PTPRD: variants seen among roughly 807,000 people sequenced by gnomAD.
The protein encoded by PTPRD is receptor-type tyrosine-protein phosphatase delta.
PTPRD carries 34 observed loss-of-function variants against 214.5 expected under a neutral mutation model. That is an observed-to-expected ratio of 0.16 (90% CI 0.12 to 0.21). PTPRD has a LOEUF of 0.21. PTPRD is among the 10% of genes least tolerant of loss of function. The pLI is 1.00. For missense variants in PTPRD, 2,545 were observed against 2,398.7 expected (o/e 1.06, Z -1.27); for synonymous variants, 1,128 against 845.7 (o/e 1.33, Z -5.79).
chr9:9,683,125 A>G (rs1158888099), intron 7 of PTPRD, among the ~76,000 whole-genome samples: 1 of 151,804 alleles, frequency 6.6e-6, no homozygotes, highest in East Asian at 1.9e-4. Context: ...TTTGATGACT[A>G]TTCTTTTTCA....
intron 11 of PTPRD, chr9:8,860,913 A>G (rs1288757949): frequency 6.6e-6 from 1 of 152,202 alleles, no homozygotes; most frequent in East Asian, 1.9e-4. Context: ...CACATTCTGG[A>G]TCAAAGAAGC....
intron 8 of PTPRD, among the ~76,000 whole-genome samples, chr9:9,418,995 T>A (rs2077819606): frequency 6.6e-6 from 1 of 151,512 alleles, no homozygotes; most frequent in Non-Finnish European, 1.5e-5. Context: ...CAATAAATGA[T>A]CATCAGGGCT....
chr9:9,775,007 A>G (rs1337725977), intron 5 of PTPRD, among the ~76,000 whole-genome samples: 1 of 152,224 alleles, frequency 6.6e-6, no homozygotes, highest in Non-Finnish European at 1.5e-5. Context: ...GAAATGTAGC[A>G]TTAGTACCTG....
intron 21 of PTPRD, among the ~76,000 whole-genome samples, chr9:8,509,888 T>C (rs1592349364): frequency 6.6e-6 from 1 of 152,220 alleles, no homozygotes. Context: ...GACGACTTGA[T>C]GCAAAGTGTC....
At chr9:8,334,390 C>G (rs1295454703) in intron 43 of PTPRD, among the ~76,000 whole-genome samples, 1 of 150,796 alleles carries the variant, frequency 6.6e-6, no homozygotes, top group African/African-American at 2.4e-5. Context: ...AAAAACCACT[C>G]AAAACCACAC....
intron 10 of PTPRD, among the ~76,000 whole-genome samples, chr9:9,117,422 A>C (rs1285815879): frequency 6.6e-6 from 1 of 152,138 alleles, no homozygotes; most frequent in Non-Finnish European, 1.5e-5. Flanking sequence ...AGTGATTCAA[A>C]TGAGATAATG....
At chr9:9,382,271 GT>G (rs2062547805) in intron 9 of PTPRD, among the ~76,000 whole-genome samples, 1 of 151,860 alleles carries the variant, frequency 6.6e-6, no homozygotes, top group Non-Finnish European at 1.5e-5. Flanking sequence ...AGTTCTGATA[GT>G]TTTAGGGGAA....
intron 5 of PTPRD, among the ~76,000 whole-genome samples, chr9:9,830,405 G>C (rs370408800): frequency 1.2e-4 from 18 of 151,896 alleles, no homozygotes; most frequent in African/African-American, 4.3e-4. Flanking sequence ...GTTAAATGGG[G>C]TGAAGGGAAG....
intron 9 of PTPRD, among the ~76,000 whole-genome samples, chr9:9,311,225 G>A (rs1002992243): frequency 6.6e-6 from 1 of 152,048 alleles, no homozygotes; most frequent in Non-Finnish European, 1.5e-5. Flanking sequence ...AAAACTAAAA[G>A]TTCAGCAAGA....
chr9:10,412,500 C>T (rs532627460), intron 2 of PTPRD, among the ~76,000 whole-genome samples: 20 of 151,770 alleles, frequency 1.3e-4, no homozygotes, highest in Admixed American at 1.2e-3. Flanking sequence ...ATGTAAAGAG[C>T]TGGTACCATT....
At chr9:9,452,380 A>C (rs548716862) in intron 8 of PTPRD, among the ~76,000 whole-genome samples, 2 of 151,668 alleles carry the variant, frequency 1.3e-5, no homozygotes, top group Admixed American at 6.6e-5. Flanking sequence ...CAATAAATTT[A>C]AATCAAAATA....
At chr9:8,331,209 TTTCACAAAC>T (rs1840456662) in intron 44 of PTPRD, among the ~76,000 whole-genome samples, 2 of 149,100 alleles carry the variant, frequency 1.3e-5, no homozygotes, top group African/African-American at 5.2e-5. Context: ...TTCATGAGGT[TTTCACAAAC>T]AGAAGAAAGA....
At chr9:9,666,050 T>C (rs2096715313) in intron 7 of PTPRD, among the ~76,000 whole-genome samples, 1 of 152,072 alleles carries the variant, frequency 6.6e-6, no homozygotes, top group Admixed American at 6.6e-5. Context: ...AATAAGTTGA[T>C]GTAAGTTTTC....
intron 7 of PTPRD, among the ~76,000 whole-genome samples, chr9:9,717,363 A>G (rs981024450): frequency 6.6e-6 from 1 of 152,302 alleles, no homozygotes; most frequent in Admixed American, 6.5e-5. Context: ...TGAACTTTAA[A>G]GTAGTTTTTT....
At chr9:8,998,070 A>G (rs1254921116) in intron 11 of PTPRD, among the ~76,000 whole-genome samples, 1 of 152,152 alleles carries the variant, frequency 6.6e-6, no homozygotes, top group Non-Finnish European at 1.5e-5. Context: ...TCTCCATAAC[A>G]TAATAGTGCA....
rs138248758 is a variant in PTPRD at position 9,165,589 on chromosome 9, A to G, written c.-143+17715T>C. 1.3e-3 allele frequency among the ~76,000 whole-genome samples: 197 copies of G among 152,334 alleles called. 3 individuals carry two copies. In the East Asian group the frequency reaches 0.036, roughly 28 times the overall value. ...CTCTAAAGGGTCTGTACATCATACT[A>G]TTAAGGTTTGAATTTAGTTCATAAA... On this transcript the variant is annotated intron_variant, in intron 10 of 45. Coordinates refer to ENST00000381196, the MANE Select transcript of PTPRD (RefSeq NM_002839.4).
chr9:9,728,064 A>G (rs1439455578), intron 7 of PTPRD, among the ~76,000 whole-genome samples: 1 of 152,052 alleles, frequency 6.6e-6, no homozygotes, highest in Middle Eastern at 3.2e-3. Flanking sequence ...GTCTCATGCG[A>G]TCTGACGGCT....
chr9:9,459,353 A>C (rs1406941891), intron 8 of PTPRD, among the ~76,000 whole-genome samples: 2 of 152,132 alleles, frequency 1.3e-5, no homozygotes, highest in African/African-American at 2.4e-5. Flanking sequence ...TACTGGCCAG[A>C]GTAATCTGGC....
intron 9 of PTPRD, among the ~76,000 whole-genome samples, chr9:9,391,475 C>A (rs2065823253): frequency 6.6e-6 from 1 of 152,094 alleles, no homozygotes. Flanking sequence ...ATTATGTATG[C>A]ATGTGCCAAA....
Sources: allele counts gnomAD v4.1 joint callset (sites outside exome capture counted in the v4.1 genomes callset), GRCh38; gene constraint gnomAD v4.1.1; transcripts MANE v1.5; gene names NCBI Gene and HGNC (gene_info 2026-07-23, HGNC 2026-07-21).